The following CMIP variants were observed in gnomAD, a reference collection of about 807,000 sequenced individuals.
CMIP encodes c-Maf inducing protein.
A neutral mutation model predicts 97.3 loss-of-function variants in CMIP; 13 were observed. The observed-to-expected ratio is 0.13, with a 90% CI of 0.09 to 0.21. CMIP has a LOEUF of 0.21. CMIP is among the 10% of genes least tolerant of loss of function. The pLI is 1.00. For missense variants in CMIP, 847 were observed against 1,024.9 expected (o/e 0.83, Z 2.37); for synonymous variants, 538 against 436.3 (o/e 1.23, Z -2.91).
intron 1 of CMIP, among the ~76,000 whole-genome samples, chr16:81,456,446 C>G (rs1429781263): frequency 6.6e-6 from 1 of 152,174 alleles, no homozygotes; most frequent in Non-Finnish European, 1.5e-5. Flanking sequence ...GGTGTGAGCA[C>G]AGGAACCCTG....
At chr16:81,509,851 T>C (rs1375979714) in intron 1 of CMIP, among the ~76,000 whole-genome samples, 1 of 151,958 alleles carries the variant, frequency 6.6e-6, no homozygotes, top group Non-Finnish European at 1.5e-5. Context: ...AGAGAACAGG[T>C]GAGTTTCCTG....
In CMIP at chr16:81,711,523, C is replaced by T. The variant is rs1479577414; in HGVS notation, c.*1724C>T. ...TTTGGTTTTCTTTTCTTTCCCCCCT[C>T]CGGTCCCATACTTCACAGCACTCTG... On this transcript the variant is annotated 3_prime_UTR_variant, in exon 21 of 21. Coordinates refer to ENST00000537098, the MANE Select transcript of CMIP (RefSeq NM_198390.3). The T allele has an allele frequency of 6.6e-6, 1 of 150,506 alleles. No individual in the cohort carries two copies. The highest frequency in any genetic ancestry group is 1.5e-5 in the Non-Finnish European group (1 of 67,870). The allele number at this position is 150,506 out of a possible 1,614,324, so 9.3% of individuals were successfully genotyped here. A position where few individuals can be genotyped will look rare whatever the true frequency, so the allele number is the denominator to read the frequency against.
At chr16:81,619,008 GT>G (rs949032175) in intron 2 of CMIP, 8 of 152,326 alleles carry the variant, frequency 5.3e-5, no homozygotes, top group African/African-American at 1.7e-4. Flanking sequence ...CCAGGGGGCT[GT>G]TTCTCCTCCT....
At chr16:81,673,597 C>G (rs770626834) in intron 9 of CMIP, among the ~76,000 whole-genome samples, 1 of 152,222 alleles carries the variant, frequency 6.6e-6, no homozygotes, top group Non-Finnish European at 1.5e-5. Context: ...CACTGTGCCC[C>G]AGGAGGCCGT....
intron 1 of CMIP, among the ~76,000 whole-genome samples, chr16:81,468,227 A>G (rs1047771278): frequency 1.3e-5 from 2 of 152,162 alleles, no homozygotes; most frequent in East Asian, 1.9e-4. Context: ...ATGGTTCTCT[A>G]TGTTCATCTC....
chr16:81,512,976 A>G (rs541657344), intron 1 of CMIP, among the ~76,000 whole-genome samples: 66 of 152,270 alleles, frequency 4.3e-4, no homozygotes, highest in Non-Finnish European at 8.8e-4. Flanking sequence ...GTCTCAAGCA[A>G]TCCGCCCTCC....
intron 1 of CMIP, among the ~76,000 whole-genome samples, chr16:81,447,992 G>A (rs188258581): frequency 3.9e-5 from 6 of 152,350 alleles, no homozygotes; most frequent in Non-Finnish European, 5.9e-5. Flanking sequence ...ATCTGTCTGC[G>A]TTTTATAGTG....
At chr16:81,545,071 G>A (rs546956017) in intron 1 of CMIP, among the ~76,000 whole-genome samples, 3 of 152,086 alleles carry the variant, frequency 2.0e-5, no homozygotes, top group Non-Finnish European at 4.4e-5. Context: ...CCATGATCTT[G>A]TAAACTCCTA....
At chr16:81,671,883 C>G in intron 8 of CMIP, 83 bp from the exon 9 acceptor site, 1 of 681,028 alleles carries the variant, frequency 1.5e-6, no homozygotes, top group Non-Finnish European at 2.6e-6. Context: ...CGTGCCTGAG[C>G]AACGCCCTCC....
chr16:81,603,352 G>T, intron 1 of CMIP: 1 of 453,888 alleles, frequency 2.2e-6, no homozygotes, highest in Non-Finnish European at 4.4e-6. Flanking sequence ...AAAGTGCTGG[G>T]ATTACAGGCG....
At chr16:81,682,567 CAAA>C (rs113037541) in intron 10 of CMIP, among the ~76,000 whole-genome samples, 1 of 135,050 alleles carries the variant, frequency 7.4e-6, no homozygotes, top group Non-Finnish European at 1.6e-5. Flanking sequence ...CTCCCATCTC[CAAA>C]AAAAAAAAAA....
At chr16:81,698,519 A>T (rs2317418) in intron 14 of CMIP, among the ~76,000 whole-genome samples, 1 of 151,958 alleles carries the variant, frequency 6.6e-6, no homozygotes, top group Admixed American at 6.6e-5. Context: ...AGAAGTTTCT[A>T]CGTGGTTCCA....
At chr16:81,555,080 G>C (rs1186603862) in intron 1 of CMIP, among the ~76,000 whole-genome samples, 1 of 152,118 alleles carries the variant, frequency 6.6e-6, no homozygotes, top group Non-Finnish European at 1.5e-5. Context: ...CAGCCACAGG[G>C]AACTTTCCCA....
intron 7 of CMIP, among the ~76,000 whole-genome samples, chr16:81,669,715 C>A (rs1473913247): frequency 1.3e-5 from 2 of 148,970 alleles, no homozygotes; most frequent in Non-Finnish European, 1.5e-5. Flanking sequence ...TCCTCCCATA[C>A]CCACCTCACA....
chr16:81,706,548 T>C (rs1020081664), intron 19 of CMIP, among the ~76,000 whole-genome samples: 1 of 152,208 alleles, frequency 6.6e-6, no homozygotes, highest in Admixed American at 6.5e-5. Flanking sequence ...GCGGCCCTGC[T>C]CAGCGTCTCT....
chr16:81,604,396 C>CAAAA lies in CMIP; in HGVS notation c.301-3154_301-3151dup, dbSNP rs886259734. The stretch of plus-strand genomic sequence containing the variant: ...GGGTGACAAGAGCAAAACTCTGTCT[C>CAAAA]AAAAAAAAAAAAAAAAAAAAGGACC... On this transcript the variant is annotated intron_variant, in intron 1 of 20. Coordinates refer to ENST00000537098, the MANE Select transcript of CMIP (RefSeq NM_198390.3). 8.9e-3 allele frequency among the ~76,000 whole-genome samples: 525 copies of CAAAA among 58,660 alleles called. 12 individuals are homozygous for CAAAA. The highest frequency in any genetic ancestry group is 0.029 in the African/African-American group (490 of 17,186). The allele number at this position is 58,660 out of a possible 152,430, so 38.5% of individuals were successfully genotyped here.
In CMIP at chr16:81,693,553, T is replaced by C. The variant is rs949022988; in HGVS notation, c.1530+66T>C. On this transcript the variant is annotated intron_variant, in intron 13 of 20. Coordinates refer to ENST00000537098, the MANE Select transcript of CMIP (RefSeq NM_198390.3). ...GATGGCAGGATGCACGAGGGCCCCTTAGAGGCCTTCTGAAGCTTGTCACCA... is the reference window on the plus strand; with the variant it reads ...GATGGCAGGATGCACGAGGGCCCCTCAGAGGCCTTCTGAAGCTTGTCACCA... 37 of 1,530,916 alleles carry C rather than the reference T, an allele frequency of 2.4e-5. No homozygotes were observed. The South Asian group carries it at 2.6e-4, about 11-fold the overall frequency. The allele number at this position is 1,530,916 out of a possible 1,614,324, so 94.8% of individuals were successfully genotyped here. A position where few individuals can be genotyped will look rare whatever the true frequency, so the allele number is the denominator to read the frequency against.
At chr16:81,556,100 C>T (rs1597554271) in intron 1 of CMIP, among the ~76,000 whole-genome samples, 1 of 152,172 alleles carries the variant, frequency 6.6e-6, no homozygotes, top group Non-Finnish European at 1.5e-5. Flanking sequence ...GCTATTTGTT[C>T]TCTCAGAGTT....
intron 1 of CMIP, 68 bp downstream of exon 1, chr16:81,445,609 C>T: frequency 6.7e-7 from 1 of 1,481,528 alleles, no homozygotes. Flanking sequence ...CCCTGGCTGC[C>T]CCCTGGCGCT....
Sources: gnomAD v4.1 joint callset for allele counts (sites outside exome capture counted in the v4.1 genomes callset) on GRCh38, gnomAD v4.1.1 for gene constraint, MANE v1.5 for transcripts, NCBI Gene and HGNC (gene_info 2026-07-23, HGNC 2026-07-21) for gene names.